The following ABCF1 variants were observed in gnomAD, a reference collection of about 807,000 sequenced individuals.
The protein encoded by ABCF1 is ATP-binding cassette sub-family F member 1.
In ABCF1, 73 loss-of-function variants were observed where a neutral mutation model predicts 126.3. The observed-to-expected ratio is 0.58, with a 90% CI of 0.48 to 0.70. The LOEUF (loss-of-function observed/expected upper bound fraction) is 0.70, where lower values mean the gene tolerates loss of function less well. ABCF1 is among the 30% of genes least tolerant of loss of function. The pLI is 0.00. For missense variants in ABCF1, 786 were observed against 1,057.5 expected, an observed-to-expected ratio of 0.74 and a Z score of 3.56; for synonymous variants, 345 against 396.4, an observed-to-expected ratio of 0.87 and a Z score of 1.54.
intron 9 of ABCF1, 115 bp downstream of exon 9, chr6:30,582,622 C>A (rs1040433624): frequency 1.9e-6 from 2 of 1,055,986 alleles, no homozygotes; most frequent in Non-Finnish European, 2.8e-6. Context: ...GTAAAACAAT[C>A]GGAGTAAGAA....
Position 30,583,288 on chromosome 6 carries a change from TG to T in ABCF1, c.915+103del, listed in dbSNP as rs1361113428. ...GTGGTGTGTGAATGGGTTAGTTCAG[TG>T]GGAAGAAAGATTGGAGGCATTTTCC... On this transcript the variant is annotated intron_variant, in intron 10 of 24. Transcript: ENST00000326195. The surrounding 1 kb of genome is among the most constrained non-coding windows in gnomAD (Gnocchi z 4.1). 6.8e-7 allele frequency: 1 copy of T among 1,462,634 alleles called. No individual in the cohort carries two copies. The highest frequency in any genetic ancestry group is 9.2e-7 in the Non-Finnish European group (1 of 1,085,646). The allele number at this position is 1,462,634 out of a possible 1,614,324, so 90.6% of individuals were successfully genotyped here. A position where few individuals can be genotyped will look rare whatever the true frequency, so the allele number is the denominator to read the frequency against.
At position 30,574,426 on chromosome 6, in the gene ABCF1, T is replaced by G. The variant is rs1459684990; in HGVS notation, c.73+2866T>G. ...TGTTGGGATTACAGGCGTGAGCCAG[T>G]GTGCCTGGCCACAAAAGAGATTTAA... On this transcript the variant is annotated intron_variant, in intron 1 of 24. Transcript: ENST00000326195. The surrounding 1 kb of genome is among the most constrained non-coding windows in gnomAD (Gnocchi z 4.3). Among the ~76,000 whole-genome samples the G allele has an allele frequency of 6.6e-6, 1 of 152,226 alleles. No individual in the cohort carries two copies. Among genetic ancestry groups the G allele is most frequent in the African/African-American group, 2.4e-5 (1 of 41,458 alleles).
rs578208912 is a variant in ABCF1, at chr6:30,571,867, C to T, written c.73+307C>T. Reference sequence around the variant, plus strand: ...TTGCTTAAAAAATTTGGACATCCGCCCCACCATACACTGTATTCCACCAGG... The same window carrying T: ...TTGCTTAAAAAATTTGGACATCCGCTCCACCATACACTGTATTCCACCAGG... On this transcript the variant is annotated intron_variant, in intron 1 of 24. Coordinates refer to ENST00000326195, the MANE Select transcript of ABCF1 (RefSeq NM_001025091.2). 2.0e-5 allele frequency among the ~76,000 whole-genome samples: 3 copies of T among 152,142 alleles called. No individual in the cohort carries two copies. The East Asian group carries it at 5.8e-4, about 29-fold the overall frequency.
Position 30,584,069 on chromosome 6 carries a change from T to C in ABCF1, c.1103-123T>C. 2.7e-6 allele frequency: 4 copies of C among 1,454,544 alleles called. No individual in the cohort carries two copies. Among genetic ancestry groups the C allele is most frequent in the Non-Finnish European group, 3.7e-6 (4 of 1,079,812 alleles). The allele number at this position is 1,454,544 out of a possible 1,614,324, so 90.1% of individuals were successfully genotyped here. On this transcript the variant is annotated intron_variant, in intron 12 of 24. Coordinates refer to ENST00000326195, the MANE Select transcript of ABCF1 (RefSeq NM_001025091.2). The surrounding 1 kb of genome is among the most constrained non-coding windows in gnomAD (Gnocchi z 4.6). ...GGGTCAATGAGGAACTTGAGAGTGT[T>C]TTATTTGGAACAAGTACAAAGAGCT...
chr6:30,587,414 G>A (rs1287036304), intron 20 of ABCF1, among the ~76,000 whole-genome samples: 2 of 152,118 alleles, frequency 1.3e-5, no homozygotes, highest in Non-Finnish European at 2.9e-5. Context: ...GGAAGCCGAG[G>A]TGGGAGATCA....
intron 4 of ABCF1, 29 bp from the exon 5 acceptor site, chr6:30,578,318 CT>C (rs1801619623): frequency 6.2e-7 from 1 of 1,613,866 alleles, no homozygotes; most frequent in Non-Finnish European, 8.5e-7. Flanking sequence ...TAATTCTTTC[CT>C]ATCTCATGTT....
intron 21 of ABCF1, 27 bp from the exon 22 acceptor site, chr6:30,589,779 C>T: frequency 1.9e-6 from 3 of 1,614,096 alleles, no homozygotes; most frequent in Non-Finnish European, 1.7e-6. Context: ...TGACTTTAAC[C>T]GACCACCTCC....
rs1802019684 is a variant in ABCF1 at position 30,584,719 on chromosome 6, CTATT to C, written c.1391+157_1391+160del. On this transcript the variant is annotated intron_variant, in intron 14 of 24. Transcript: ENST00000326195. The surrounding 1 kb of genome is among the most constrained non-coding windows in gnomAD (Gnocchi z 4.6). Reference sequence around the variant, plus strand: ...TGTTGTGAGAACTTAGGGTCTTTCTCTATTTATCTCCCTACTTGGTGGTGAGTTC... The same window carrying C: ...TGTTGTGAGAACTTAGGGTCTTTCTCTATCTCCCTACTTGGTGGTGAGTTC... Among the ~76,000 whole-genome samples, 1 of 152,146 alleles carries C rather than the reference CTATT, an allele frequency of 6.6e-6. No individual in the cohort carries two copies.
chr6:30,583,613 G>A lies in ABCF1; in HGVS notation c.921G>A (p.Glu307=). Residue 307 remains glutamate, a synonymous_variant, in exon 11 of 25, where the codon GAG becomes GAA. Coordinates refer to ENST00000326195, the MANE Select transcript of ABCF1 (RefSeq NM_001025091.2). This position sits in a 1 kb window ranked among gnomAD's most constrained non-coding sequence, Gnocchi z 4.1. ...MLENASDIKL[E]KFSISAHGKE... The stretch of plus-strand genomic sequence containing the variant: ...CTCTTTCCTGATGGCTGCAGCTGGA[G>A]AAGTTCAGCATCTCCGCTCATGGCA... The A allele has an allele frequency of 6.2e-7, 1 of 1,614,036 alleles. No individual in the cohort carries two copies. Among genetic ancestry groups the A allele is most frequent in the East Asian group, 2.2e-5 (1 of 44,882 alleles).
chr6:30,582,142 C>T (rs1801849072), intron 8 of ABCF1, among the ~76,000 whole-genome samples: 3 of 151,802 alleles, frequency 2.0e-5, no homozygotes, highest in South Asian at 4.2e-4. Flanking sequence ...CTGCAAGCTC[C>T]TCCTCCCAGG....
chr6:30,590,020 A>C, intron 22 of ABCF1, 46 bp downstream of exon 22: 1 of 1,607,934 alleles, frequency 6.2e-7, no homozygotes, highest in Non-Finnish European at 8.5e-7. Context: ...CTTATCATTC[A>C]TGTCTACAAA....
chr6:30,585,538 C>T lies in ABCF1; in HGVS notation c.1476-20C>T. On this transcript the variant is annotated intron_variant, in intron 15 of 24. Transcript: ENST00000326195. ...TCACTTGACCACTGTGACACTTACA[C>T]CCTGTTCTCTGAAACCCAGCTACCT... The T allele has an allele frequency of 6.2e-7, 1 of 1,612,914 alleles. No individual in the cohort carries two copies.
At position 30,584,612 on chromosome 6, in the gene ABCF1, G is replaced by A. The variant is rs752020448; in HGVS notation, c.1391+46G>A. 32 of 1,538,136 alleles carry A rather than the reference G, an allele frequency of 2.1e-5. No individual in the cohort carries two copies. The Admixed American group carries it at 2.5e-4, about 12-fold the overall frequency. ...CCCTCCCTTCCAGCCTCAGACCACC[G>A]GGGCCCTTTTCCTCTTTCCCTTCTC... On this transcript the variant is annotated intron_variant, in intron 14 of 24. Coordinates refer to ENST00000326195, the MANE Select transcript of ABCF1 (RefSeq NM_001025091.2). This position sits in a 1 kb window ranked among gnomAD's most constrained non-coding sequence, Gnocchi z 4.6.
chr6:30,588,842 C>T (rs921676023), intron 20 of ABCF1, among the ~76,000 whole-genome samples: 1 of 152,100 alleles, frequency 6.6e-6, no homozygotes, highest in East Asian at 1.9e-4. Flanking sequence ...GAGGCCCTTA[C>T]GATGTACCAT....
chr6:30,577,747 G>A (rs1040882753), intron 2 of ABCF1, 71 bp from the exon 3 acceptor site: 4 of 1,463,698 alleles, frequency 2.7e-6, no homozygotes, highest in Admixed American at 1.7e-5. Flanking sequence ...GTGGGCCAAT[G>A]TGTGGCAGAG....
At position 30,574,969 on chromosome 6, in the gene ABCF1, C is replaced by A. The variant is rs994215743; in HGVS notation, c.74-2440C>A. ...CTCTAGTTTTTTGGAGAAGTAGATGCACCATAAAACTTTCCTGAATAAATG... is the reference window on the plus strand; with the variant it reads ...CTCTAGTTTTTTGGAGAAGTAGATGAACCATAAAACTTTCCTGAATAAATG... On this transcript the variant is annotated intron_variant, in intron 1 of 24. Coordinates refer to ENST00000326195, the MANE Select transcript of ABCF1 (RefSeq NM_001025091.2). This position sits in a 1 kb window ranked among gnomAD's most constrained non-coding sequence, Gnocchi z 4.3. 2.0e-5 allele frequency among the ~76,000 whole-genome samples: 3 copies of A among 151,922 alleles called. No individual in the cohort carries two copies. The highest frequency in any genetic ancestry group is 2.1e-4 in the South Asian group (1 of 4,820).
Position 30,585,270 on chromosome 6 carries a change from A to T in ABCF1, c.1402A>T (p.Met468Leu). The T allele has an allele frequency of 6.2e-7, 1 of 1,613,182 alleles. No individual in the cohort carries two copies. ...CTACCCACCCTCTAGGGCACTGTTC[A>T]TGGAGCCCACACTGCTGATGCTGGA... ...MRVSLARALF[M>L]EPTLLMLDEP... The change falls in exon 15 of 25, where the codon ATG becomes TTG. Residue 468 changes from methionine to leucine, a missense_variant. Transcript: ENST00000326195.
chr6:30,588,754 G>A (rs1378676300), intron 20 of ABCF1, among the ~76,000 whole-genome samples: 1 of 152,006 alleles, frequency 6.6e-6, no homozygotes, highest in African/African-American at 2.4e-5. Flanking sequence ...GTGTTGAGAG[G>A]CCATTTTCTC....
At chr6:30,582,790 C>G (rs933548697) in intron 9 of ABCF1, among the ~76,000 whole-genome samples, 6 of 152,154 alleles carry the variant, frequency 3.9e-5, no homozygotes, top group Admixed American at 3.9e-4. Flanking sequence ...ACCTACCAGG[C>G]TCAAGTGATC....
Sources: gnomAD v4.1 joint callset for allele counts (sites outside exome capture counted in the v4.1 genomes callset) on GRCh38, gnomAD v4.1.1 for gene constraint, Gnocchi (gnomAD v3.1) non-coding constraint, MANE v1.5 for transcripts, NCBI Gene and HGNC (gene_info 2026-07-23, HGNC 2026-07-21) for gene names.